Variants in TRIM8 observed in about 807,000 individuals in gnomAD.
TRIM8 encodes tripartite motif containing 8, also known as E3 ubiquitin-protein ligase TRIM8.
Under a neutral mutation model 55.7 loss-of-function variants are expected in TRIM8, and 9 were observed. The observed-to-expected ratio is 0.16, with a 90% CI of 0.10 to 0.28. The LOEUF is 0.28. TRIM8 is among the 10% of genes least tolerant of loss of function. The pLI is 1.00. For synonymous variants in TRIM8, 335 were observed against 333.3 expected, an observed-to-expected ratio of 1.01 and a Z score of -0.06; for missense variants, 556 against 736.4, an observed-to-expected ratio of 0.76 and a Z score of 2.83.
chr10:102,651,227 C>T (rs763244938), intron 1 of TRIM8, among the ~76,000 whole-genome samples: 1 of 152,238 alleles, frequency 6.6e-6, no homozygotes, highest in African/African-American at 2.4e-5. Flanking sequence ...TGGTGTCCCA[C>T]CCAGATTGCC....
intron 1 of TRIM8, among the ~76,000 whole-genome samples, chr10:102,647,221 GGTGTGTGTGTGCGTGTGTGCGTGT>G (rs1053120166): frequency 3.9e-5 from 6 of 152,088 alleles, no homozygotes; most frequent in African/African-American, 1.4e-4. Context: ...AACTCCGCAG[GGTGTGTGTGTGCGTGTGTGCGTGT>G]GTGTGCGTGC....
At chr10:102,647,217 G>A (rs892716741) in intron 1 of TRIM8, among the ~76,000 whole-genome samples, 2 of 152,240 alleles carry the variant, frequency 1.3e-5, no homozygotes, top group East Asian at 3.9e-4. Flanking sequence ...CGGCAACTCC[G>A]CAGGGTGTGT....
intron 1 of TRIM8, among the ~76,000 whole-genome samples, chr10:102,648,713 A>G (rs2063955719): frequency 6.6e-6 from 1 of 151,954 alleles, no homozygotes; most frequent in Non-Finnish European, 1.5e-5. Context: ...CTGCAGCCTG[A>G]CTCCAGCAGT....
At position 102,657,530 on chromosome 10, in the gene TRIM8, T is replaced by A. The variant is rs1028764849; in HGVS notation, c.*176T>A. 1 of 833,530 alleles carries A rather than the reference T, an allele frequency of 1.2e-6. No individual in the cohort carries two copies. 51.6% of individuals were successfully genotyped at this position (833,530 alleles called of 1,614,324 possible). A position where few individuals can be genotyped will look rare whatever the true frequency, so the allele number is the denominator to read the frequency against. ...GTTTTGGCTTTGTTTTTGATTTTTT[T>A]TTATTATGAATCTCCTGGACGCAGA... On this transcript the variant is annotated 3_prime_UTR_variant, in exon 6 of 6. Coordinates refer to ENST00000643721, the MANE Select transcript of TRIM8 (RefSeq NM_030912.3).
intron 1 of TRIM8, chr10:102,645,498 A>T (rs950457313): frequency 3.7e-6 from 1 of 267,564 alleles, no homozygotes; most frequent in African/African-American, 2.2e-5. Context: ...TCCCTCCCCC[A>T]GTCTTGTTGC....
In TRIM8 at chr10:102,655,274, G is replaced by A; in HGVS notation, c.861G>A (p.Gln287=). The change falls in exon 3 of 6, where the codon CAG becomes CAA. Residue 287 remains glutamine, a synonymous_variant. Coordinates refer to ENST00000643721, the MANE Select transcript of TRIM8 (RefSeq NM_030912.3). The part of the protein sequence containing the change: ...QEAKKLLGSL[Q]LLFDKTEDVS... ...CCAAGAAGCTGCTGGGCTCCCTGCAGCTGCTCTTTGATAAGACGGAGGATG... is the reference window on the plus strand; with the variant it reads ...CCAAGAAGCTGCTGGGCTCCCTGCAACTGCTCTTTGATAAGACGGAGGATG... The A allele has an allele frequency of 6.2e-7, 1 of 1,603,618 alleles. No individual in the cohort carries two copies. The highest frequency in any genetic ancestry group is 8.5e-7 in the Non-Finnish European group (1 of 1,177,276).
intron 1 of TRIM8, chr10:102,649,081 G>T (rs927360938): frequency 2.6e-5 from 4 of 152,444 alleles, no homozygotes; most frequent in Non-Finnish European, 5.9e-5. Context: ...GCACGTCTGG[G>T]TCGTGTATCT....
In TRIM8 at chr10:102,656,690, G is replaced by A. The variant is rs1385896178; in HGVS notation, c.1049-57G>A. ...GTCCCCAGGTCCAACCCAGGGAGAG[G>A]AGGCCTGGGTTGCTTGGGGTGGGAG... On this transcript the variant is annotated intron_variant, in intron 5 of 5. Coordinates refer to ENST00000643721, the MANE Select transcript of TRIM8 (RefSeq NM_030912.3). The surrounding 1 kb of genome is among the most constrained non-coding windows in gnomAD (Gnocchi z 4.6). The A allele has an allele frequency of 2.7e-6, 4 of 1,505,262 alleles. No individual in the cohort carries two copies. The highest frequency in any genetic ancestry group is 3.5e-6 in the Non-Finnish European group (4 of 1,129,044). The allele number at this position is 1,505,262 out of a possible 1,614,324, so 93.2% of individuals were successfully genotyped here.
At chr10:102,653,119 A>C (rs2063997937) in intron 1 of TRIM8, among the ~76,000 whole-genome samples, 1 of 152,100 alleles carries the variant, frequency 6.6e-6, no homozygotes, top group Non-Finnish European at 1.5e-5. Context: ...TTTTTTGTTA[A>C]CTTGGATTTA....
At chr10:102,653,427 AAG>A (rs1276534772) in intron 1 of TRIM8, 1 of 152,550 alleles carries the variant, frequency 6.6e-6, no homozygotes, top group East Asian at 1.9e-4. Context: ...CAGGGTGTAA[AAG>A]AGCCTTCATT....
rs1408586919 is a variant in TRIM8, at chr10:102,656,582, G to A, written c.1049-165G>A. ...CTCCATTTCTTCAGCTTAAAGTGGG[G>A]ATATAACTATTCTGTACCTCCTAAT... On this transcript the variant is annotated intron_variant, in intron 5 of 5. Transcript: ENST00000643721. This position sits in a 1 kb window ranked among gnomAD's most constrained non-coding sequence, Gnocchi z 4.6. 1 of 1,312,328 alleles carries A rather than the reference G, an allele frequency of 7.6e-7. No individual in the cohort carries two copies. The highest frequency in any genetic ancestry group is 1.5e-5 in the African/African-American group (1 of 67,066). 81.3% of individuals were successfully genotyped at this position (1,312,328 alleles called of 1,614,324 possible).
Position 102,655,236 on chromosome 10 carries a change from C to T in TRIM8, c.823C>T (p.Arg275Cys), listed in dbSNP as rs200444633. 3 of 1,601,846 alleles carry T rather than the reference C, an allele frequency of 1.9e-6. No individual in the cohort carries two copies. The highest frequency in any genetic ancestry group is 2.2e-5 in the East Asian group (1 of 44,772). The change falls in exon 3 of 6, where the codon CGC becomes TGC. Residue 275 changes from arginine to cysteine, a missense_variant. Coordinates refer to ENST00000643721, the MANE Select transcript of TRIM8 (RefSeq NM_030912.3). ...AGCGCAGGCGCTGCACCTCGGGGAG[C>T]GCATGCAGGAGGCCAAGAAGCTGCT... Reference protein sequence around the residue: ...NAAQALHLGERMQEAKKLLGS... With the variant: ...NAAQALHLGECMQEAKKLLGS...
In TRIM8 at chr10:102,656,886, G is replaced by A. The variant is rs1385818925; in HGVS notation, c.1188G>A (p.Val396=). Residue 396 remains valine (V), a synonymous_variant, in exon 6 of 6, where the codon GTG becomes GTA. Transcript: ENST00000643721. The surrounding 1 kb of genome is among the most constrained non-coding windows in gnomAD (Gnocchi z 4.6). ...TCCTAGAGACGTCGTCGGGCCCTGT[G>A]GGCGGCCAGTACGGGGCGGCGGGCA... ...ASFLETSSGP[V]GGQYGAAGTA... 6.3e-7 allele frequency: 1 copy of A among 1,578,662 alleles called. No individual in the cohort carries two copies. Among genetic ancestry groups the A allele is most frequent in the Non-Finnish European group, 8.6e-7 (1 of 1,163,184 alleles).
chr10:102,654,703 T>C lies in TRIM8; in HGVS notation c.621T>C (p.Ile207=), dbSNP rs199995771. ...GGCTGGAGGAGCGAGAGCAGGACAT[T>C]GAGGACCAGCTGTACAAACTCGAGT... ...QDRLEEREQD[I]EDQLYKLESD... Residue 207 remains isoleucine (I), a synonymous_variant, in exon 2 of 6, where the codon ATT becomes ATC. Transcript: ENST00000643721. 4 of 1,614,048 alleles carry C rather than the reference T, an allele frequency of 2.5e-6. No homozygotes were observed. Among genetic ancestry groups the C allele is most frequent in the East Asian group, 4.5e-5 (2 of 44,874 alleles).
Position 102,657,853 on chromosome 10 carries a change from TTTTG to T in TRIM8, c.*503_*506del, listed in dbSNP as rs2064042031. 2 of 152,760 alleles carry T rather than the reference TTTTG, an allele frequency of 1.3e-5. No homozygotes were observed. The highest frequency in any genetic ancestry group is 1.3e-4 in the Admixed American group (2 of 15,284). 9.5% of individuals were successfully genotyped at this position (152,760 alleles called of 1,614,324 possible). On this transcript the variant is annotated 3_prime_UTR_variant, in exon 6 of 6. Coordinates refer to ENST00000643721, the MANE Select transcript of TRIM8 (RefSeq NM_030912.3). ...GACCTTTAGATTGTGCGACTTTTGT[TTTTG>T]TTTTTTTAAATTTTTTTAAACCAAG...
Position 102,656,133 on chromosome 10 carries a change from G to T in TRIM8, c.928G>T (p.Asp310Tyr). The T allele has an allele frequency of 6.2e-7, 1 of 1,614,140 alleles. No homozygotes were observed. The highest frequency in any genetic ancestry group is 8.5e-7 in the Non-Finnish European group (1 of 1,180,030). ...CACCAAGTCTGTGAAAATCCTGATG[G>T]ACAGGTAAGCTGAGGGCCCTAGCCC... Reference protein sequence around the residue: ...KNTKSVKILMDRTQTCTSSSL... With the variant: ...KNTKSVKILMYRTQTCTSSSL... The change falls in exon 4 of 6, where the codon GAC (aspartate) becomes TAC (tyrosine). Residue 310 changes from aspartate (D) to tyrosine (Y), a missense_variant. Coordinates refer to ENST00000643721, the MANE Select transcript of TRIM8 (RefSeq NM_030912.3). This position sits in a 1 kb window ranked among gnomAD's most constrained non-coding sequence, Gnocchi z 4.6.
At position 102,644,884 on chromosome 10, in the gene TRIM8, G is replaced by T; in HGVS notation, c.267G>T (p.Ala89=). Residue 89 remains alanine, a synonymous_variant, in exon 1 of 6, where the codon GCG becomes GCT. Transcript: ENST00000643721. ...NALHVEKPPA[A]LHCVFCRRGP... is the part of the protein sequence containing the mutation. ...TGCACGTGGAGAAGCCGCCGGCGGCGCTGCACTGCGTGTTCTGCCGCCGCG... is the reference window on the plus strand; with the variant it reads ...TGCACGTGGAGAAGCCGCCGGCGGCTCTGCACTGCGTGTTCTGCCGCCGCG... 1 of 1,611,100 alleles carries T rather than the reference G, an allele frequency of 6.2e-7. No individual in the cohort carries two copies.
In TRIM8 at chr10:102,656,581, G is replaced by T; in HGVS notation, c.1049-166G>T. 7.6e-7 allele frequency: 1 copy of T among 1,309,154 alleles called. No homozygotes were observed. Among genetic ancestry groups the T allele is most frequent in the Non-Finnish European group, 1.0e-6 (1 of 966,818 alleles). The allele number at this position is 1,309,154 out of a possible 1,614,324, so 81.1% of individuals were successfully genotyped here. A position where few individuals can be genotyped will look rare whatever the true frequency, so the allele number is the denominator to read the frequency against. Reference sequence around the variant, plus strand: ...CCTCCATTTCTTCAGCTTAAAGTGGGGATATAACTATTCTGTACCTCCTAA... The same window carrying T: ...CCTCCATTTCTTCAGCTTAAAGTGGTGATATAACTATTCTGTACCTCCTAA... On this transcript the variant is annotated intron_variant, in intron 5 of 5. Transcript: ENST00000643721. This position sits in a 1 kb window ranked among gnomAD's most constrained non-coding sequence, Gnocchi z 4.6.
chr10:102,657,216 C>T lies in TRIM8; in HGVS notation c.1518C>T (p.Leu506=), dbSNP rs372270090. 8 of 1,614,020 alleles carry T rather than the reference C, an allele frequency of 5.0e-6. No individual in the cohort carries two copies. In the Admixed American group the frequency reaches 8.3e-5, roughly 17 times the overall value. ...CCTCGCAGGAGTACTCACACCCGCT[C>T]CCGCCCACACCCTCCGTCCCCCAGT... The part of the protein sequence containing the change: ...TVPSQEYSHP[L]PPTPSVPQSL... Residue 506 remains leucine (L), a synonymous_variant, in exon 6 of 6, where the codon CTC becomes CTT. Coordinates refer to ENST00000643721, the MANE Select transcript of TRIM8 (RefSeq NM_030912.3).
Sources: allele counts gnomAD v4.1 joint callset (sites outside exome capture counted in the v4.1 genomes callset), GRCh38; gene constraint gnomAD v4.1.1; non-coding constraint Gnocchi (gnomAD v3.1); transcripts MANE v1.5; gene names NCBI Gene and HGNC (gene_info 2026-07-23, HGNC 2026-07-21).